EEF1AKMT2: variants seen among roughly 807,000 people sequenced by gnomAD.
EEF1AKMT2 encodes the protein eukaryotic translation elongation factor 1 alpha lysine methyltransferase 2.
A neutral mutation model predicts 35.8 loss-of-function variants in EEF1AKMT2; 32 were observed. That is an observed-to-expected ratio of 0.89 (90% CI 0.67 to 1.20). The LOEUF (loss-of-function observed/expected upper bound fraction) is 1.20. EEF1AKMT2 is among the 50% of genes most tolerant of loss of function. The pLI is 0.00. For missense variants in EEF1AKMT2, 330 were observed against 347.5 expected (o/e 0.95, Z 0.40); for synonymous variants, 121 against 133.7 (o/e 0.91, Z 0.65).
chr10:124,773,508 C>T (rs949063977), intron 4 of EEF1AKMT2, among the ~76,000 whole-genome samples: 2 of 152,176 alleles, frequency 1.3e-5, no homozygotes, highest in African/African-American at 4.8e-5. Context: ...GTTGGGATTA[C>T]AGGCATTAGC....
intron 3 of EEF1AKMT2, chr10:124,782,828 AGAGGT>A: frequency 4.5e-6 from 1 of 222,142 alleles, no homozygotes; most frequent in Non-Finnish European, 9.3e-6. Flanking sequence ...AAAAAAAAAC[AGAGGT>A]AAAAAAGGGA....
At position 124,791,718 on chromosome 10, in the gene EEF1AKMT2, ACTCACTG is replaced by A. The variant is rs774670451; in HGVS notation, c.109_110+5del. On this transcript the variant is annotated splice_donor_variant and splice_donor_5th_base_variant and coding_sequence_variant and intron_variant, in exon 1 of 7. Coordinates refer to ENST00000368836, the MANE Select transcript of EEF1AKMT2 (RefSeq NM_212554.4). LOFTEE classifies it high-confidence loss of function. Reference sequence around the variant, plus strand: ...CTCATCCTCCCCTGCCCAGCGTCACACTCACTGCTCGCGGGTCCCCAGCGCCGACGGG... The same window carrying A: ...CTCATCCTCCCCTGCCCAGCGTCACACTCGCGGGTCCCCAGCGCCGACGGG... The A allele has an allele frequency of 5.1e-6, 8 of 1,578,154 alleles. No homozygotes were observed. The South Asian group carries it at 9.2e-5, about 18-fold the overall frequency.
chr10:124,774,628 CATTT>C (rs1256283858), intron 4 of EEF1AKMT2, 43 bp downstream of exon 4: 1 of 992,772 alleles, frequency 1.0e-6, no homozygotes. Flanking sequence ...GCTCTAGAAA[CATTT>C]AACCTCTATT....
At chr10:124,772,326 T>C (rs974916099) in intron 4 of EEF1AKMT2, among the ~76,000 whole-genome samples, 2 of 152,180 alleles carry the variant, frequency 1.3e-5, no homozygotes. Flanking sequence ...ACTGGTTATT[T>C]CCTAGCTAAC....
At position 124,777,379 on chromosome 10, in the gene EEF1AKMT2, C is replaced by T. The variant is rs1026241058; in HGVS notation, c.292-2597G>A. 2.0e-5 allele frequency among the ~76,000 whole-genome samples: 3 copies of T among 151,736 alleles called. No homozygotes were observed. In the South Asian group the frequency reaches 6.3e-4, roughly 32 times the overall value. On this transcript the variant is annotated intron_variant, in intron 3 of 6. Coordinates refer to ENST00000368836, the MANE Select transcript of EEF1AKMT2 (RefSeq NM_212554.4). ...CATGTGTCACCATGGAGTGTACTTA[C>T]AAAAACCTAAATGGTAGAGCCCACT... is the stretch of plus-strand genomic sequence containing the variant.
At chr10:124,782,797 G>C (rs1486059622) in intron 3 of EEF1AKMT2, among the ~76,000 whole-genome samples, 1 of 136,570 alleles carries the variant, frequency 7.3e-6, no homozygotes, top group African/African-American at 2.8e-5. Context: ...TGGGCAACAT[G>C]AGTGAAACTC....
chr10:124,787,629 C>CA (rs528808593), intron 3 of EEF1AKMT2, among the ~76,000 whole-genome samples: 105 of 148,932 alleles, frequency 7.1e-4, no homozygotes, highest in Non-Finnish European at 1.0e-3. Context: ...CTTGTCTCTA[C>CA]AAAAAAAATC....
At chr10:124,772,755 GAACT>G (rs966175081) in intron 4 of EEF1AKMT2, among the ~76,000 whole-genome samples, 8 of 152,132 alleles carry the variant, frequency 5.3e-5, no homozygotes, top group Non-Finnish European at 1.2e-4. Flanking sequence ...TAAATCTCAT[GAACT>G]AACTACTGCT....
chr10:124,778,493 G>A (rs535034691), intron 3 of EEF1AKMT2, among the ~76,000 whole-genome samples: 27 of 152,116 alleles, frequency 1.8e-4, no homozygotes, highest in Non-Finnish European at 3.5e-4. Flanking sequence ...GGAGGCCAAG[G>A]CAGGCGGATC....
chr10:124,770,184 C>T (rs1002631199), intron 4 of EEF1AKMT2, among the ~76,000 whole-genome samples: 1 of 151,660 alleles, frequency 6.6e-6, no homozygotes, highest in Non-Finnish European at 1.5e-5. Flanking sequence ...TTTGAGGGGC[C>T]GAGGCGGGTG....
intron 1 of EEF1AKMT2, 48 bp downstream of exon 1, chr10:124,791,676 C>T: frequency 1.9e-6 from 3 of 1,543,510 alleles, no homozygotes; most frequent in Non-Finnish European, 2.6e-6. Context: ...TCTCGGGGCC[C>T]AGGCAGGGCG....
intron 4 of EEF1AKMT2, among the ~76,000 whole-genome samples, chr10:124,773,166 T>C (rs1356729145): frequency 6.6e-6 from 1 of 152,188 alleles, no homozygotes; most frequent in Non-Finnish European, 1.5e-5. Context: ...GGCCACTGTG[T>C]TGAGGTGGGG....
chr10:124,790,152 C>G (rs1950621822), intron 2 of EEF1AKMT2, 121 bp downstream of exon 2: 12 of 707,208 alleles, frequency 1.7e-5, no homozygotes, highest in South Asian at 1.4e-4. Context: ...CTCGGCCTCC[C>G]AAAGTGCTGG....
At chr10:124,791,638 GC>G in intron 1 of EEF1AKMT2, 85 bp downstream of exon 1, 1 of 1,523,814 alleles carries the variant, frequency 6.6e-7, no homozygotes, top group Non-Finnish European at 8.8e-7. Flanking sequence ...CTGTCCCTGA[GC>G]CCCGGGTCTC....
At chr10:124,769,808 A>G (rs928077230) in intron 4 of EEF1AKMT2, among the ~76,000 whole-genome samples, 1 of 151,662 alleles carries the variant, frequency 6.6e-6, no homozygotes, top group Non-Finnish European at 1.5e-5. Flanking sequence ...TTAGCCGGGC[A>G]TGGTGGCACA....
chr10:124,788,710 TTATATATA>T (rs146577563), intron 3 of EEF1AKMT2, among the ~76,000 whole-genome samples: 20,405 of 92,564 alleles, frequency 0.22, 2,770 homozygotes, highest in Admixed American at 0.29. Flanking sequence ...AAGGTCATCT[TTATATATA>T]TATATATATA....
chr10:124,769,414 T>C (rs189366852), intron 4 of EEF1AKMT2, among the ~76,000 whole-genome samples: 17 of 151,124 alleles, frequency 1.1e-4, no homozygotes, highest in Admixed American at 9.2e-4. Context: ...AAACCAAGAG[T>C]TTCATTTTGG....
At chr10:124,787,660 C>A (rs1264100830) in intron 3 of EEF1AKMT2, among the ~76,000 whole-genome samples, 1 of 151,278 alleles carries the variant, frequency 6.6e-6, no homozygotes, top group Non-Finnish European at 1.5e-5. Flanking sequence ...GCGACAGGAT[C>A]GCTTGAGCCT....
chr10:124,790,471 C>T, intron 1 of EEF1AKMT2, 133 bp from the exon 2 acceptor site: 2 of 667,060 alleles, frequency 3.0e-6, no homozygotes, highest in East Asian at 2.8e-5. Flanking sequence ...AATAAATACA[C>T]ATAGTTCAAT....
Sources: allele counts gnomAD v4.1 joint callset (sites outside exome capture counted in the v4.1 genomes callset), GRCh38; gene constraint gnomAD v4.1.1; transcripts MANE v1.5; gene names NCBI Gene and HGNC (gene_info 2026-07-23, HGNC 2026-07-21).